ZBTB20: variants seen among roughly 807,000 people sequenced by gnomAD.
The protein encoded by ZBTB20 is zinc finger and BTB domain containing 20, also known as zinc finger and BTB domain-containing protein 20.
In ZBTB20, 9 loss-of-function variants were observed where a neutral mutation model predicts 56.9. The observed-to-expected ratio is 0.16, with a 90% CI of 0.10 to 0.28. The LOEUF (loss-of-function observed/expected upper bound fraction) is 0.28. Among genes scored for constraint, ZBTB20 ranks in the 10% least tolerant of loss-of-function variants. ZBTB20 has a pLI of 1.00. For synonymous variants in ZBTB20, 417 were observed against 420.7 expected, an observed-to-expected ratio of 0.99 and a Z score of 0.11; for missense variants, 655 against 1,003.0, an observed-to-expected ratio of 0.65 and a Z score of 4.69.
At chr3:114,513,815 G>A (rs1245173162) in intron 6 of ZBTB20, among the ~76,000 whole-genome samples, 3 of 151,546 alleles carry the variant, frequency 2.0e-5, no homozygotes, top group Non-Finnish European at 4.4e-5. Flanking sequence ...CCATCTTCTA[G>A]CACTTCATAC....
chr3:114,972,611 A>G (rs2077931679), intron 3 of ZBTB20, among the ~76,000 whole-genome samples: 1 of 152,166 alleles, frequency 6.6e-6, no homozygotes, highest in African/African-American at 2.4e-5. Context: ...GGAAGTTACC[A>G]CTCTTCACTT....
intron 6 of ZBTB20, among the ~76,000 whole-genome samples, chr3:114,534,131 C>T (rs962785954): frequency 3.3e-5 from 5 of 152,180 alleles, no homozygotes; most frequent in African/African-American, 1.2e-4. Context: ...CAGATTCACA[C>T]ATAACAGTGT....
At chr3:114,863,872 T>G (rs531748768) in intron 4 of ZBTB20, among the ~76,000 whole-genome samples, 1 of 152,178 alleles carries the variant, frequency 6.6e-6, no homozygotes, top group East Asian at 1.9e-4. Flanking sequence ...ACATTAAGTT[T>G]GGTGTTTAAT....
chr3:114,440,423 G>A (rs995797333), intron 7 of ZBTB20, among the ~76,000 whole-genome samples: 1 of 152,134 alleles, frequency 6.6e-6, no homozygotes, highest in East Asian at 1.9e-4. Context: ...GTTTTTGAGT[G>A]ACTTGATCTA....
intron 2 of ZBTB20, among the ~76,000 whole-genome samples, chr3:115,012,313 C>A (rs532129194): frequency 2.0e-5 from 3 of 151,728 alleles, no homozygotes; most frequent in African/African-American, 7.2e-5. Flanking sequence ...TGATCTGTTG[C>A]CTATAAGAAC....
At chr3:114,585,402 T>A (rs992664722) in intron 6 of ZBTB20, among the ~76,000 whole-genome samples, 17 of 152,188 alleles carry the variant, frequency 1.1e-4, no homozygotes, top group Admixed American at 3.9e-4. Context: ...AAACTATGTG[T>A]AGAGCTGGTA....
At chr3:114,894,829 T>C (rs1459822743) in intron 4 of ZBTB20, among the ~76,000 whole-genome samples, 1 of 152,314 alleles carries the variant, frequency 6.6e-6, no homozygotes, top group East Asian at 1.9e-4. Flanking sequence ...AAGTTTGTGG[T>C]CCTTTGTAAT....
At chr3:115,104,410 T>G (rs973084904) in intron 1 of ZBTB20, among the ~76,000 whole-genome samples, 2 of 152,226 alleles carry the variant, frequency 1.3e-5, no homozygotes, top group Non-Finnish European at 2.9e-5. Context: ...TACAGTAATT[T>G]TATTCATAAT....
At position 114,892,540 on chromosome 3, in the gene ZBTB20, C is replaced by T. The variant is rs1378206613; in HGVS notation, c.-417+7764G>A. Among the ~76,000 whole-genome samples, 5 of 152,094 alleles carry T rather than the reference C, an allele frequency of 3.3e-5. No homozygotes were observed. In the East Asian group the frequency reaches 7.7e-4, roughly 23 times the overall value. On this transcript the variant is annotated intron_variant, in intron 4 of 11. Transcript: ENST00000675478. ...TCATGAAAAGGGATTTTATTAATTT[C>T]GGCACCAGTGATGATGTGGCTAGGT...
intron 6 of ZBTB20, among the ~76,000 whole-genome samples, chr3:114,531,233 C>T (rs1446875232): frequency 6.6e-6 from 1 of 152,182 alleles, no homozygotes; most frequent in Admixed American, 6.5e-5. Flanking sequence ...TGGTAGATGA[C>T]ATCAATTTAG....
At chr3:114,967,391 A>G (rs2077688925) in intron 3 of ZBTB20, among the ~76,000 whole-genome samples, 1 of 152,206 alleles carries the variant, frequency 6.6e-6, no homozygotes, top group Non-Finnish European at 1.5e-5. Context: ...ACATCTGGAT[A>G]TCTTTCTGTG....
chr3:114,456,774 G>A (rs1209824988), intron 7 of ZBTB20, among the ~76,000 whole-genome samples: 1 of 152,202 alleles, frequency 6.6e-6, no homozygotes. Context: ...AGTGCCATCA[G>A]ATGTTACTGG....
chr3:114,863,460 A>T (rs1458777671), intron 4 of ZBTB20, among the ~76,000 whole-genome samples: 20 of 152,144 alleles, frequency 1.3e-4, no homozygotes, highest in Admixed American at 1.2e-3. Flanking sequence ...AAAGAAGGGC[A>T]CAAAGTATTA....
chr3:115,042,487 C>T (rs1181023194), intron 2 of ZBTB20, among the ~76,000 whole-genome samples: 2 of 152,070 alleles, frequency 1.3e-5, no homozygotes, highest in Non-Finnish European at 2.9e-5. Context: ...ATTTGTGCAA[C>T]AGTGAGTTTA....
intron 5 of ZBTB20, among the ~76,000 whole-genome samples, chr3:114,792,332 G>A (rs1425809462): frequency 1.3e-5 from 2 of 152,122 alleles, no homozygotes; most frequent in African/African-American, 4.8e-5. Context: ...ATTGCAAAGA[G>A]TAAGGTGGTG....
At position 114,978,122 on chromosome 3, in the gene ZBTB20, G is replaced by C. The variant is rs1349273877; in HGVS notation, c.-506-3706C>G. Among the ~76,000 whole-genome samples, 4 of 150,984 alleles carry C rather than the reference G, an allele frequency of 2.6e-5. No homozygotes were observed. The South Asian group carries it at 8.4e-4, about 32-fold the overall frequency. ...AAGTGTATAATGTTCATTGGGTTAA[G>C]AGTCTTTATAAATAAATAAACATAT... On this transcript the variant is annotated intron_variant, in intron 2 of 11. Coordinates refer to ENST00000675478, the MANE Select transcript of ZBTB20 (RefSeq NM_001348800.3).
intron 7 of ZBTB20, among the ~76,000 whole-genome samples, chr3:114,407,048 C>T (rs1295547373): frequency 6.6e-6 from 1 of 152,166 alleles, no homozygotes; most frequent in Admixed American, 6.5e-5. Context: ...GGCCTCATCC[C>T]TTGGCTCAGC....
At position 114,714,363 on chromosome 3, in the gene ZBTB20, G is replaced by A. The variant is rs139435036; in HGVS notation, c.-342-20788C>T. On this transcript the variant is annotated intron_variant, in intron 5 of 11. Coordinates refer to ENST00000675478, the MANE Select transcript of ZBTB20 (RefSeq NM_001348800.3). ...ACATTCTGCTCAAGGCTTTGGTTAC[G>A]TAGGTAAGCCAAAACACAGGAGACA... Among the ~76,000 whole-genome samples the A allele has an allele frequency of 8.1e-3, 1,237 of 152,226 alleles. 6 individuals are homozygous for A. Among genetic ancestry groups the A allele is most frequent in the Middle Eastern group, 0.031 (9 of 294 alleles).
intron 4 of ZBTB20, among the ~76,000 whole-genome samples, chr3:114,883,916 CTTTTTTTTTTTTTTTTT>C (rs869141975): frequency 1.1e-5 from 1 of 89,774 alleles, no homozygotes; most frequent in African/African-American, 4.0e-5. Flanking sequence ...ATGGTGTGTT[CTTTTTTTTTTTTTTTTT>C]TTTTTTTTTT....
Sources: gnomAD v4.1 joint callset for allele counts (sites outside exome capture counted in the v4.1 genomes callset) on GRCh38, gnomAD v4.1.1 for gene constraint, MANE v1.5 for transcripts, NCBI Gene and HGNC (gene_info 2026-07-23, HGNC 2026-07-21) for gene names.